Variants in IGF1R observed in about 807,000 individuals in gnomAD.
IGF1R encodes the protein insulin-like growth factor 1 receptor.
IGF1R carries 44 observed loss-of-function variants against 144.6 expected under a neutral mutation model. That is an observed-to-expected ratio of 0.30 (90% CI 0.24 to 0.39). IGF1R has a LOEUF of 0.39. IGF1R is among the 10% of genes least tolerant of loss of function. The probability of loss-of-function intolerance (pLI) is 1.00; values close to 1 mark genes in which losing one functional copy is unlikely to be tolerated. For missense variants in IGF1R, 1,355 were observed against 1,833.7 expected (o/e 0.74, Z 4.77); for synonymous variants, 795 against 722.8 (o/e 1.10, Z -1.60).
chr15:98,964,189 C>CTGAGT lies in IGF1R; in HGVS notation c.*6749_*6753dup, dbSNP rs2017335877. ...GGATGCACCGCAAATAATGCATTTT[C>CTGAGT]TGAGTTTTCTTGTTAAAAAAAAATT... is the stretch of plus-strand genomic sequence containing the variant. On this transcript the variant is annotated 3_prime_UTR_variant, in exon 21 of 21. Coordinates refer to ENST00000650285, the MANE Select transcript of IGF1R (RefSeq NM_000875.5). 4.3e-6 allele frequency: 1 copy of CTGAGT among 231,848 alleles called. No individual in the cohort carries two copies. Among genetic ancestry groups the CTGAGT allele is most frequent in the South Asian group, 1.8e-4 (1 of 5,492 alleles). 14.4% of individuals were successfully genotyped at this position (231,848 alleles called of 1,614,324 possible). A position where few individuals can be genotyped will look rare whatever the true frequency, so the allele number is the denominator to read the frequency against.
At chr15:98,868,566 C>A (rs1405804199) in intron 2 of IGF1R, among the ~76,000 whole-genome samples, 3 of 152,112 alleles carry the variant, frequency 2.0e-5, no homozygotes, top group Non-Finnish European at 4.4e-5. Flanking sequence ...GTGGCGCATA[C>A]AGGTGCCCTG....
intron 2 of IGF1R, among the ~76,000 whole-genome samples, chr15:98,757,943 A>G (rs1233342918): frequency 6.6e-6 from 1 of 152,202 alleles, no homozygotes; most frequent in Non-Finnish European, 1.5e-5. Context: ...ACCGGTGCCT[A>G]ACAATTTGAA....
rs534991383 is a variant in IGF1R, at chr15:98,958,154, G to A, written c.*712G>A. The A allele has an allele frequency of 3.4e-5, 8 of 233,418 alleles. No individual in the cohort carries two copies. The highest frequency in any genetic ancestry group is 1.8e-4 in the South Asian group (1 of 5,538). The allele number at this position is 233,418 out of a possible 1,614,324, so 14.5% of individuals were successfully genotyped here. A position where few individuals can be genotyped will look rare whatever the true frequency, so the allele number is the denominator to read the frequency against. ...CGCTGGCGACACACTCCGTCCATCC[G>A]ACTGCCCCTGCTGTGCTGCTCAAGG... On this transcript the variant is annotated 3_prime_UTR_variant, in exon 21 of 21. Transcript: ENST00000650285.
intron 2 of IGF1R, among the ~76,000 whole-genome samples, chr15:98,852,033 T>C (rs1321449090): frequency 6.6e-6 from 1 of 152,194 alleles, no homozygotes; most frequent in Admixed American, 6.5e-5. Context: ...AAATTAATCT[T>C]AAAAGGTGGA....
At chr15:98,778,367 C>T (rs2055772351) in intron 2 of IGF1R, among the ~76,000 whole-genome samples, 1 of 152,224 alleles carries the variant, frequency 6.6e-6, no homozygotes, top group Admixed American at 6.5e-5. Flanking sequence ...CAATCCTTGA[C>T]ACTAAGCTGT....
At chr15:98,787,666 CAG>C (rs1467668702) in intron 2 of IGF1R, among the ~76,000 whole-genome samples, 1 of 151,872 alleles carries the variant, frequency 6.6e-6, no homozygotes, top group Non-Finnish European at 1.5e-5. Context: ...TCTCTTAAAA[CAG>C]AGACCTCTCA....
At chr15:98,796,483 C>G (rs569316682) in intron 2 of IGF1R, among the ~76,000 whole-genome samples, 4 of 152,176 alleles carry the variant, frequency 2.6e-5, no homozygotes, top group African/African-American at 9.6e-5. Context: ...GCTGAGAATC[C>G]TGCAGGGAGA....
At chr15:98,779,401 G>A (rs1004644307) in intron 2 of IGF1R, among the ~76,000 whole-genome samples, 1 of 152,170 alleles carries the variant, frequency 6.6e-6, no homozygotes, top group Non-Finnish European at 1.5e-5. Context: ...TAAGAACACT[G>A]CTCTGTGCTA....
chr15:98,713,623 G>A (rs1248816364), intron 2 of IGF1R, among the ~76,000 whole-genome samples: 3 of 152,310 alleles, frequency 2.0e-5, no homozygotes, highest in East Asian at 1.9e-4. Flanking sequence ...TTTGCTGAAG[G>A]CCAGTTCTGC....
chr15:98,731,758 A>G (rs533876244), intron 2 of IGF1R, among the ~76,000 whole-genome samples: 1 of 152,340 alleles, frequency 6.6e-6, no homozygotes, highest in South Asian at 2.1e-4. Flanking sequence ...AGAGGCATAC[A>G]GGTTGGAGGC....
At chr15:98,765,889 G>C (rs377462027) in intron 2 of IGF1R, among the ~76,000 whole-genome samples, 4 of 152,318 alleles carry the variant, frequency 2.6e-5, no homozygotes, top group African/African-American at 7.2e-5. Context: ...AGATGGGTCA[G>C]TGTTGTCCTG....
rs983125186 is a variant in IGF1R, at chr15:98,930,315, C to T, written c.2956+10C>T. On this transcript the variant is annotated intron_variant, in intron 15 of 20. Transcript: ENST00000650285. The stretch of plus-strand genomic sequence containing the variant: ...TTCAGCGCTGCTGATGGTAAGAGTC[C>T]GGGCCACCAGCACTGCCAGCGTGCA... The T allele has an allele frequency of 2.4e-5, 39 of 1,604,962 alleles. No homozygotes were observed. The highest frequency in any genetic ancestry group is 1.0e-4 in the Admixed American group (6 of 59,698).
intron 2 of IGF1R, among the ~76,000 whole-genome samples, chr15:98,718,047 C>T (rs950475235): frequency 2.6e-5 from 4 of 152,128 alleles, no homozygotes; most frequent in African/African-American, 9.7e-5. Flanking sequence ...TTTCATTTTC[C>T]TCCTCTCACC....
At chr15:98,768,763 C>CGAA (rs2055504132) in intron 2 of IGF1R, among the ~76,000 whole-genome samples, 1 of 86,258 alleles carries the variant, frequency 1.2e-5, no homozygotes, top group Non-Finnish European at 2.1e-5. Context: ...ACTAAAAATA[C>CGAA]AAAAAAAAAA....
chr15:98,720,428 A>G (rs2054220313), intron 2 of IGF1R, among the ~76,000 whole-genome samples: 1 of 152,192 alleles, frequency 6.6e-6, no homozygotes, highest in Non-Finnish European at 1.5e-5. Flanking sequence ...TTCAGTAAAC[A>G]CTACTAGAGA....
rs1173274351 is a variant in IGF1R, at chr15:98,837,346, C to A, written c.641-53979C>A. 1.3e-5 allele frequency among the ~76,000 whole-genome samples: 2 copies of A among 152,168 alleles called. 1 individual carries two copies. Among genetic ancestry groups the A allele is most frequent in the Middle Eastern group, 6.3e-3 (2 of 316 alleles). On this transcript the variant is annotated intron_variant, in intron 2 of 20. Coordinates refer to ENST00000650285, the MANE Select transcript of IGF1R (RefSeq NM_000875.5). ...CTCCAACTCCCTGGTTCAAGCAGTT[C>A]TCCTGCCTCAGCCTCCTCCCAAGTA...
At chr15:98,791,022 T>C (rs1156561563) in intron 2 of IGF1R, among the ~76,000 whole-genome samples, 1 of 152,230 alleles carries the variant, frequency 6.6e-6, no homozygotes, top group Admixed American at 6.5e-5. Flanking sequence ...TTCCTAAGCC[T>C]TCATTAGATT....
intron 2 of IGF1R, among the ~76,000 whole-genome samples, chr15:98,740,552 C>T (rs2054714209): frequency 6.6e-6 from 1 of 152,136 alleles, no homozygotes; most frequent in Admixed American, 6.5e-5. Context: ...ACGTGTGATA[C>T]AAGAAATCGA....
chr15:98,801,145 C>T (rs1024701910), intron 2 of IGF1R, among the ~76,000 whole-genome samples: 1 of 152,118 alleles, frequency 6.6e-6, no homozygotes, highest in African/African-American at 2.4e-5. Context: ...AGGTGGCCTC[C>T]CTCTCCCCAA....
Sources: allele counts gnomAD v4.1 joint callset (sites outside exome capture counted in the v4.1 genomes callset), GRCh38; gene constraint gnomAD v4.1.1; transcripts MANE v1.5; gene names NCBI Gene and HGNC (gene_info 2026-07-23, HGNC 2026-07-21).